The following ADAMTS8 variants were observed in gnomAD, a reference collection of about 807,000 sequenced individuals.
ADAMTS8 encodes the protein ADAM metallopeptidase with thrombospondin type 1 motif 8.
A neutral mutation model predicts 64.4 loss-of-function variants in ADAMTS8; 50 were observed. The ratio of observed to expected loss-of-function variants is 0.78; its 90% CI spans 0.62 to 0.98. ADAMTS8 has a LOEUF of 0.98. Among genes scored for constraint, ADAMTS8 ranks in the 50% least tolerant of loss-of-function variants. ADAMTS8 has a pLI of 0.00. For synonymous variants in ADAMTS8, 556 were observed against 533.6 expected (o/e 1.04, Z -0.58); for missense variants, 1,192 against 1,208.2 (o/e 0.99, Z 0.20).
In ADAMTS8 at chr11:130,411,276, A is replaced by C; in HGVS notation, c.1750+141T>G. On this transcript the variant is annotated intron_variant, in intron 6 of 8. Coordinates refer to ENST00000257359, the MANE Select transcript of ADAMTS8 (RefSeq NM_007037.6). This position sits in a 1 kb window ranked among gnomAD's most constrained non-coding sequence, Gnocchi z 4.2. ...GATCACAGGCAAAACTCTACATCCCAGGAGACCCAATTTACTCCCCTCTGG... is the reference window on the plus strand; with the variant it reads ...GATCACAGGCAAAACTCTACATCCCCGGAGACCCAATTTACTCCCCTCTGG... The C allele has an allele frequency of 9.6e-7, 1 of 1,040,658 alleles. No individual in the cohort carries two copies. The highest frequency in any genetic ancestry group is 1.4e-6 in the Non-Finnish European group (1 of 726,696). 64.5% of individuals were successfully genotyped at this position (1,040,658 alleles called of 1,614,324 possible).
chr11:130,426,812 T>C (rs1373997454), intron 1 of ADAMTS8, among the ~76,000 whole-genome samples: 4 of 152,220 alleles, frequency 2.6e-5, no homozygotes, highest in Non-Finnish European at 4.4e-5. Context: ...ACTAGAGACA[T>C]TCACCCAAAG....
intron 1 of ADAMTS8, among the ~76,000 whole-genome samples, chr11:130,422,817 T>C (rs1273791356): frequency 6.6e-6 from 1 of 152,204 alleles, no homozygotes; most frequent in Non-Finnish European, 1.5e-5. Flanking sequence ...GAAACAGCGG[T>C]GGCCGGCACT....
intron 5 of ADAMTS8, among the ~76,000 whole-genome samples, chr11:130,413,163 C>T (rs142451378): frequency 2.6e-5 from 4 of 152,152 alleles, no homozygotes; most frequent in African/African-American, 9.6e-5. Context: ...TGGCCTGATT[C>T]TATAAATATG....
At chr11:130,412,652 TA>T (rs1483493269) in intron 5 of ADAMTS8, among the ~76,000 whole-genome samples, 1 of 152,174 alleles carries the variant, frequency 6.6e-6, no homozygotes, top group Non-Finnish European at 1.5e-5. Context: ...ATACGACAAA[TA>T]AAAAAATGCA....
Position 130,416,220 on chromosome 11 carries a change from G to T in ADAMTS8, c.1207C>A (p.Leu403Met). 1 of 1,596,048 alleles carries T rather than the reference G, an allele frequency of 6.3e-7. No homozygotes were observed. Residue 403 changes from leucine to methionine, a missense_variant, in exon 4 of 9, where the codon CTG (leucine) becomes ATG (methionine). By Grantham distance (15) the Leu-to-Met change is conservative. Around this residue, in one of 5 missense-constraint regions of ADAMTS8, gnomAD observed 741 missense variants for 710.6 expected, o/e 1.04. Coordinates refer to ENST00000257359, the MANE Select transcript of ADAMTS8 (RefSeq NM_007037.6). This position sits in a 1 kb window ranked among gnomAD's most constrained non-coding sequence, Gnocchi z 4.8. ...APLFVHLNQT[L>M]PWSPCSAMYL... is the part of the protein sequence containing the mutation. ...ATGGCGCTGCAGGGGGACCAGGGCA[G>T]CGTCTGGTTCAGGTGGACGAACAGC...
rs376637359 is a variant in ADAMTS8, at chr11:130,414,650, C to T, written c.1447G>A (p.Glu483Lys). The T allele has an allele frequency of 7.4e-6, 12 of 1,613,676 alleles. No individual in the cohort carries two copies. The highest frequency in any genetic ancestry group is 1.0e-5 in the Non-Finnish European group (12 of 1,180,052). Residue 483 changes from glutamate to lysine, a missense_variant, in exon 5 of 9, where the codon GAG becomes AAG. Physicochemically the swap from Glu to Lys is moderately conservative, Grantham distance 56. This residue lies in a region of ADAMTS8 where 741 missense variants were observed against 710.6 expected (regional missense o/e 1.04). Transcript: ENST00000257359. ...AQLWCHTDGAEPLCHTKNGSL... is the reference protein window; with the variant it reads ...AQLWCHTDGAKPLCHTKNGSL... ...CCATTCTTCGTGTGGCACAGGGGCT[C>T]AGCCCCATCAGTGTGGCACCAAAGC...
chr11:130,422,235 G>A (rs1862109198), intron 1 of ADAMTS8, among the ~76,000 whole-genome samples: 1 of 151,958 alleles, frequency 6.6e-6, no homozygotes, highest in Non-Finnish European at 1.5e-5. Context: ...AGACCAGCCT[G>A]GGAAACATAG....
At chr11:130,427,474 T>TTC (rs1491468269) in intron 1 of ADAMTS8, 93 bp downstream of exon 1, 2 of 810,690 alleles carry the variant, frequency 2.5e-6, no homozygotes, top group East Asian at 6.7e-5. Flanking sequence ...TTTTTTTTTT[T>TTC]CTCAGAGGGA....
intron 1 of ADAMTS8, among the ~76,000 whole-genome samples, chr11:130,419,559 C>T (rs757796608): frequency 2.0e-5 from 3 of 152,234 alleles, no homozygotes; most frequent in Non-Finnish European, 4.4e-5. Flanking sequence ...GTGTGTCTAA[C>T]ATCCAGGACA....
chr11:130,418,007 C>CAAAAAAAAAAAAAA (rs5795694), intron 2 of ADAMTS8, among the ~76,000 whole-genome samples: 12 of 93,926 alleles, frequency 1.3e-4, no homozygotes, highest in East Asian at 6.5e-4. Context: ...CTACAAAAAG[C>CAAAAAAAAAAAAAA]AAAAAAAAAA....
At chr11:130,408,098 G>A (rs912399534) in intron 8 of ADAMTS8, among the ~76,000 whole-genome samples, 2 of 152,074 alleles carry the variant, frequency 1.3e-5, no homozygotes, top group Non-Finnish European at 2.9e-5. Context: ...CCCAAAACAG[G>A]CCTGGGAGAG....
rs1457343425 is a variant in ADAMTS8, at chr11:130,427,862, C to T, written c.425G>A (p.Gly142Asp). Reference protein sequence around the residue: ...EFTIQPQGAGGSLAQPHRLQR... With the variant: ...EFTIQPQGAGDSLAQPHRLQR... The stretch of plus-strand genomic sequence containing the variant: ...CAGGCGGTGCGGCTGAGCCAGGGAG[C>T]CCCCCGCGCCCTGCGGCTGGATGGT... The change falls in exon 1 of 9, where the codon GGC becomes GAC. Residue 142 changes from glycine (G) to aspartate (D), a missense_variant. Gly to Asp is a moderately conservative substitution (Grantham distance 94). Transcript: ENST00000257359. The T allele has an allele frequency of 9.8e-6, 15 of 1,535,454 alleles. No individual in the cohort carries two copies. Among genetic ancestry groups the T allele is most frequent in the South Asian group, 8.3e-5 (7 of 83,862 alleles).
rs766721394 is a variant in ADAMTS8, at chr11:130,405,197, C to T, written c.*361G>A. 203 of 1,034,742 alleles carry T rather than the reference C, an allele frequency of 2.0e-4. 1 individual carries two copies. Among genetic ancestry groups the T allele is most frequent in the Non-Finnish European group, 2.3e-4 (195 of 862,350 alleles). 64.1% of individuals were successfully genotyped at this position (1,034,742 alleles called of 1,614,324 possible). On this transcript the variant is annotated 3_prime_UTR_variant, in exon 9 of 9. Coordinates refer to ENST00000257359, the MANE Select transcript of ADAMTS8 (RefSeq NM_007037.6). ...TTCCCCTGTGAGGTAGATTATTTATCGGGGAAACCAGATAGAATTTTTTTT... is the reference window on the plus strand; with the variant it reads ...TTCCCCTGTGAGGTAGATTATTTATTGGGGAAACCAGATAGAATTTTTTTT...
intron 1 of ADAMTS8, among the ~76,000 whole-genome samples, chr11:130,422,935 C>T (rs1862119592): frequency 6.6e-6 from 1 of 152,234 alleles, no homozygotes; most frequent in Admixed American, 6.5e-5. Context: ...CTGGACCAGG[C>T]ACCAGGTCAG....
chr11:130,419,952 C>T (rs1173997903), intron 1 of ADAMTS8, among the ~76,000 whole-genome samples: 1 of 152,212 alleles, frequency 6.6e-6, no homozygotes, highest in African/African-American at 2.4e-5. Context: ...GCTACTCTGC[C>T]ACAGTACCTC....
At chr11:130,406,174 C>A in intron 8 of ADAMTS8, 46 bp from the exon 9 acceptor site, 1 of 1,564,858 alleles carries the variant, frequency 6.4e-7, no homozygotes, top group Non-Finnish European at 8.7e-7. Context: ...GGCTGCCCAG[C>A]CCAGGTCACG....
At position 130,416,542 on chromosome 11, in the gene ADAMTS8, C is replaced by G. The variant is rs966055983; in HGVS notation, c.1097-212G>C. On this transcript the variant is annotated intron_variant, in intron 3 of 8. Transcript: ENST00000257359. This position sits in a 1 kb window ranked among gnomAD's most constrained non-coding sequence, Gnocchi z 4.8. ...GATACCCCTTTATTTTCTGCCTCAG[C>G]CCGTCCTGAATTTGGATCTAGCTCT... Among the ~76,000 whole-genome samples, 4 of 152,242 alleles carry G rather than the reference C, an allele frequency of 2.6e-5. No individual in the cohort carries two copies. Among genetic ancestry groups the G allele is most frequent in the African/African-American group, 9.6e-5 (4 of 41,462 alleles).
At chr11:130,408,411 A>C in intron 8 of ADAMTS8, 53 bp downstream of exon 8, 1 of 1,597,088 alleles carries the variant, frequency 6.3e-7, no homozygotes, top group Non-Finnish European at 8.6e-7. Context: ...CAGAGTGCAA[A>C]GCCCATTATG....
chr11:130,409,907 G>A (rs1861932232), intron 6 of ADAMTS8, among the ~76,000 whole-genome samples: 1 of 152,266 alleles, frequency 6.6e-6, no homozygotes. Context: ...GTGCAGCTGA[G>A]GGGGTCTGGG....
Sources: gnomAD v4.1 joint callset for allele counts (sites outside exome capture counted in the v4.1 genomes callset) on GRCh38, gnomAD v4.1.1 for gene constraint, gnomAD v4.1.1 regional missense constraint, Gnocchi (gnomAD v3.1) non-coding constraint, MANE v1.5 for transcripts, NCBI Gene and HGNC (gene_info 2026-07-23, HGNC 2026-07-21) for gene names.